Variants in ARHGAP20 observed in about 807,000 individuals in gnomAD.
ARHGAP20 encodes rho GTPase-activating protein 20.
A neutral mutation model predicts 73.7 loss-of-function variants in ARHGAP20; 34 were observed. The ratio of observed to expected loss-of-function variants is 0.46; its 90% CI spans 0.35 to 0.61. The LOEUF (loss-of-function observed/expected upper bound fraction) is 0.61. Ranked by LOEUF, ARHGAP20 falls within the 20% of genes least tolerant of loss-of-function variation. The pLI, the probability that ARHGAP20 is intolerant of heterozygous loss-of-function variation, is 0.00. For missense variants in ARHGAP20, 1,314 were observed against 1,420.9 expected (o/e 0.92, Z 1.21); for synonymous variants, 523 against 518.2 (o/e 1.01, Z -0.13).
intron 4 of ARHGAP20, among the ~76,000 whole-genome samples, chr11:110,621,451 G>A (rs1212072880): frequency 7.3e-6 from 1 of 137,402 alleles, no homozygotes; most frequent in Non-Finnish European, 1.6e-5. Flanking sequence ...AAAAATCTTT[G>A]CTTTTTTTTT....
intron 2 of ARHGAP20, among the ~76,000 whole-genome samples, chr11:110,674,155 C>T (rs911989773): frequency 5.3e-5 from 8 of 152,048 alleles, no homozygotes; most frequent in Non-Finnish European, 7.4e-5. Flanking sequence ...AGGATGTTCT[C>T]GATCTCTTGA....
At chr11:110,713,124 A>C (rs6589161), upstream of ARHGAP20, 43,566 of 152,258 alleles carry the variant, frequency 0.29, 6,691 homozygotes, top group African/African-American at 0.41. Context: ...AACGTGAAAG[A>C]GCAATGAAGG....
At chr11:110,628,694 CAATT>C (rs2134950451) in intron 3 of ARHGAP20, among the ~76,000 whole-genome samples, 1 of 152,144 alleles carries the variant, frequency 6.6e-6, no homozygotes, top group South Asian at 2.1e-4. Context: ...GCATTTAAAT[CAATT>C]GATAGAATTT....
At chr11:110,670,169 A>T (rs1156920884) in intron 2 of ARHGAP20, among the ~76,000 whole-genome samples, 1 of 152,116 alleles carries the variant, frequency 6.6e-6, no homozygotes, top group African/African-American at 2.4e-5. Context: ...ACATATAAAA[A>T]TTCATCAAAA....
chr11:110,710,463 G>C (rs1030718901), intron 1 of ARHGAP20, among the ~76,000 whole-genome samples: 2 of 151,950 alleles, frequency 1.3e-5, no homozygotes, highest in African/African-American at 4.8e-5. Context: ...AGAAAAAACT[G>C]TTCAGAAAAA....
intron 7 of ARHGAP20, 64 bp downstream of exon 7, chr11:110,611,245 A>G: frequency 1.8e-6 from 2 of 1,095,260 alleles, no homozygotes; most frequent in Middle Eastern, 4.3e-4. Flanking sequence ...GAAGGAAAAT[A>G]CTTACATAAA....
chr11:110,690,797 TA>T (rs146854240), intron 1 of ARHGAP20, among the ~76,000 whole-genome samples, 168 bp from the exon 2 acceptor site: 7 of 147,482 alleles, frequency 4.7e-5, no homozygotes, highest in Admixed American at 6.8e-5. Flanking sequence ...ATAGGATAGT[TA>T]AAAAAAAAAC....
chr11:110,655,847 C>T (rs924399716), intron 2 of ARHGAP20, among the ~76,000 whole-genome samples: 2 of 152,066 alleles, frequency 1.3e-5, no homozygotes, highest in Admixed American at 6.6e-5. Context: ...CCCTTAGGGC[C>T]AGGCATTTCT....
intron 1 of ARHGAP20, among the ~76,000 whole-genome samples, chr11:110,696,862 G>A (rs1385277633): frequency 6.6e-6 from 1 of 151,562 alleles, no homozygotes; most frequent in Non-Finnish European, 1.5e-5. Context: ...TTAGGATAAT[G>A]GCCTCTAGGC....
intron 11 of ARHGAP20, among the ~76,000 whole-genome samples, chr11:110,590,214 A>G (rs35902650): frequency 0.014 from 2,138 of 152,172 alleles, 23 homozygotes; most frequent in Non-Finnish European, 0.023. Context: ...TTGTGAGCCA[A>G]ATGTTTATTA....
At chr11:110,656,813 G>A (rs187832217) in intron 2 of ARHGAP20, among the ~76,000 whole-genome samples, 3 of 152,246 alleles carry the variant, frequency 2.0e-5, no homozygotes, top group East Asian at 3.9e-4. Flanking sequence ...AAAAGAACCC[G>A]CACGTGAATG....
chr11:110,665,239 A>T (rs189280348), intron 2 of ARHGAP20, among the ~76,000 whole-genome samples: 1 of 152,212 alleles, frequency 6.6e-6, no homozygotes, highest in Non-Finnish European at 1.5e-5. Context: ...CTTTTTAGAC[A>T]TATTAGAAAA....
intron 5 of ARHGAP20, among the ~76,000 whole-genome samples, chr11:110,614,853 CA>C: frequency 6.6e-6 from 1 of 151,874 alleles, no homozygotes; most frequent in South Asian, 2.1e-4. Context: ...GGCATGGGCA[CA>C]AAAAAATAGG....
intron 2 of ARHGAP20, among the ~76,000 whole-genome samples, chr11:110,674,883 CCTTTT>C (rs549779759): frequency 6.6e-6 from 1 of 152,108 alleles, no homozygotes; most frequent in Admixed American, 6.6e-5. Flanking sequence ...CCTCTCACTT[CCTTTT>C]CTTAACTGTG....
intron 2 of ARHGAP20, among the ~76,000 whole-genome samples, chr11:110,650,397 C>A (rs1565458893): frequency 6.6e-6 from 1 of 152,106 alleles, no homozygotes; most frequent in African/African-American, 2.4e-5. Flanking sequence ...TGTGGTGCTA[C>A]AAATAATTTT....
At chr11:110,662,319 A>G (rs1387624715) in intron 2 of ARHGAP20, among the ~76,000 whole-genome samples, 1 of 151,914 alleles carries the variant, frequency 6.6e-6, no homozygotes, top group Non-Finnish European at 1.5e-5. Flanking sequence ...TATAAAATCA[A>G]ATAAAAACTT....
chr11:110,603,714 TG>T (rs752904306), intron 9 of ARHGAP20, among the ~76,000 whole-genome samples: 20 of 152,160 alleles, frequency 1.3e-4, no homozygotes, highest in Non-Finnish European at 2.5e-4. Context: ...AGTGATTATC[TG>T]CAATGAAATG....
Position 110,577,754 on chromosome 11 carries a change from T to C in ARHGAP20, c.*1616A>G. The stretch of plus-strand genomic sequence containing the variant: ...GAGTTCTAAAAGATCATTGTAATGG[T>C]TAGCGCAAACAGGGCCATGTCCCCA... On this transcript the variant is annotated 3_prime_UTR_variant, in exon 15 of 15. Transcript: ENST00000683387. The C allele has an allele frequency of 1.0e-6, 1 of 985,862 alleles. No homozygotes were observed. The highest frequency in any genetic ancestry group is 1.2e-6 in the Non-Finnish European group (1 of 829,938). 61.1% of individuals were successfully genotyped at this position (985,862 alleles called of 1,614,324 possible). A position where few individuals can be genotyped will look rare whatever the true frequency, so the allele number is the denominator to read the frequency against.
intron 2 of ARHGAP20, among the ~76,000 whole-genome samples, chr11:110,658,328 T>C (rs1214636035): frequency 1.3e-5 from 2 of 152,140 alleles, no homozygotes; most frequent in Non-Finnish European, 2.9e-5. Flanking sequence ...CCCTATTCAT[T>C]TGGGACTTTT....
Sources: gnomAD v4.1 joint callset for allele counts (sites outside exome capture counted in the v4.1 genomes callset) on GRCh38, gnomAD v4.1.1 for gene constraint, MANE v1.5 for transcripts, NCBI Gene and HGNC (gene_info 2026-07-23, HGNC 2026-07-21) for gene names.